The following TUBGCP4 variants were observed in gnomAD, a reference collection of about 807,000 sequenced individuals.
The protein encoded by TUBGCP4 is tubulin gamma complex component 4.
TUBGCP4 carries 54 observed loss-of-function variants against 91.6 expected under a neutral mutation model. The observed-to-expected ratio is 0.59, with a 90% CI of 0.47 to 0.74. The LOEUF (loss-of-function observed/expected upper bound fraction) is 0.74, where lower values mean the gene tolerates loss of function less well. TUBGCP4 is among the 30% of genes least tolerant of loss of function. The pLI is 0.00. For synonymous variants in TUBGCP4, 297 were observed against 302.8 expected, an observed-to-expected ratio of 0.98 and a Z score of 0.20; for missense variants, 593 against 800.9, an observed-to-expected ratio of 0.74 and a Z score of 3.13.
intron 1 of TUBGCP4, among the ~76,000 whole-genome samples, chr15:43,372,190 A>G (rs538867516): frequency 2.0e-5 from 3 of 152,326 alleles, no homozygotes; most frequent in Admixed American, 6.5e-5. Flanking sequence ...TGTTTCTACC[A>G]GTTAACAAAT....
chr15:43,379,165 G>T (rs952389353), intron 5 of TUBGCP4, among the ~76,000 whole-genome samples: 21 of 152,316 alleles, frequency 1.4e-4, no homozygotes, highest in Admixed American at 3.9e-4. Context: ...AAAATTCTAG[G>T]TTTGGGTTGA....
intron 13 of TUBGCP4, chr15:43,399,217 T>C: frequency 8.8e-7 from 1 of 1,132,162 alleles, no homozygotes; most frequent in Admixed American, 3.2e-5. Flanking sequence ...GTTCTTCCCG[T>C]GTGTCTTTTA....
chr15:43,398,385 A>T (rs1267000702), intron 13 of TUBGCP4: 5 of 257,958 alleles, frequency 1.9e-5, no homozygotes, highest in African/African-American at 6.4e-5. Flanking sequence ...CATCTCATAA[A>T]AAAAAAAAAA....
chr15:43,390,499 ATCTTTTT>A (rs1310830354), intron 9 of TUBGCP4, among the ~76,000 whole-genome samples: 3 of 146,916 alleles, frequency 2.0e-5, no homozygotes, highest in Non-Finnish European at 4.5e-5. Context: ...TTTGTTTTTA[ATCTTTTT>A]TCTTTTTTCT....
At position 43,376,557 on chromosome 15, in the gene TUBGCP4, G is replaced by C. The variant is rs772884242; in HGVS notation, c.262G>C (p.Ala88Pro). ...TGGGTTACATGGAATCTACCTGCGGGCCTTCTGCACAGGGCTGGATTCTGT... is the reference window on the plus strand; with the variant it reads ...TGGGTTACATGGAATCTACCTGCGGCCCTTCTGCACAGGGCTGGATTCTGT... ...QGGLHGIYLR[A>P]FCTGLDSVLQ... Residue 88 changes from alanine (A) to proline (P), a missense_variant, in exon 3 of 18, where the codon GCC becomes CCC. By Grantham distance (27) the Ala-to-Pro change is conservative. Coordinates refer to ENST00000564079, the MANE Select transcript of TUBGCP4 (RefSeq NM_014444.5). 10 of 1,614,192 alleles carry C rather than the reference G, an allele frequency of 6.2e-6. No individual in the cohort carries two copies. In the South Asian group the frequency reaches 1.1e-4, roughly 18 times the overall value.
At chr15:43,392,193 T>C (rs2142843239) in intron 9 of TUBGCP4, among the ~76,000 whole-genome samples, 1 of 151,746 alleles carries the variant, frequency 6.6e-6, no homozygotes, top group East Asian at 1.9e-4. Flanking sequence ...CCTTCGTGTT[T>C]TTTTTTTTAC....
rs567523995 is a variant in TUBGCP4, at chr15:43,408,348, G to C, written c.*3134G>C. Reference sequence around the variant, plus strand: ...ACAAAAAAATTAGCTGGGTGTGGTGGCGAGTGCCTGTAGTCCCAGCAGCTT... The same window carrying C: ...ACAAAAAAATTAGCTGGGTGTGGTGCCGAGTGCCTGTAGTCCCAGCAGCTT... On this transcript the variant is annotated 3_prime_UTR_variant, in exon 18 of 18. Transcript: ENST00000564079. The C allele has an allele frequency of 8.2e-5, 30 of 363,894 alleles. 1 individual carries two copies. Among genetic ancestry groups the C allele is most frequent in the African/African-American group, 5.9e-4 (28 of 47,634 alleles). The allele number at this position is 363,894 out of a possible 1,614,324, so 22.5% of individuals were successfully genotyped here.
At chr15:43,379,527 A>G (rs2044256326) in intron 5 of TUBGCP4, among the ~76,000 whole-genome samples, 1 of 151,758 alleles carries the variant, frequency 6.6e-6, no homozygotes, top group Non-Finnish European at 1.5e-5. Flanking sequence ...CCTGTGTCGC[A>G]CTACTCGGGA....
At chr15:43,386,857 A>G (rs1595486766) in intron 9 of TUBGCP4, among the ~76,000 whole-genome samples, 1 of 152,160 alleles carries the variant, frequency 6.6e-6, no homozygotes, top group East Asian at 1.9e-4. Context: ...TAGAAAAGAA[A>G]AGCCTCTGTT....
intron 9 of TUBGCP4, among the ~76,000 whole-genome samples, chr15:43,388,896 T>C (rs1273389071): frequency 6.6e-6 from 1 of 152,242 alleles, no homozygotes; most frequent in African/African-American, 2.4e-5. Flanking sequence ...TGGGATTCTT[T>C]CTCTCCTTTA....
chr15:43,394,520 T>TTC (rs1268175650), intron 9 of TUBGCP4: 1 of 152,254 alleles, frequency 6.6e-6, no homozygotes, highest in Non-Finnish European at 1.5e-5. Context: ...TACTAAGATT[T>TTC]TCTCTTCTCT....
intron 6 of TUBGCP4, among the ~76,000 whole-genome samples, 189 bp downstream of exon 6, chr15:43,380,352 A>G (rs902712369): frequency 2.0e-5 from 3 of 152,250 alleles, no homozygotes; most frequent in Non-Finnish European, 2.9e-5. Flanking sequence ...AAAAAGGGCT[A>G]TAGAGTGTTG....
intron 4 of TUBGCP4, 116 bp from the exon 5 acceptor site, chr15:43,377,731 G>T: frequency 1.2e-6 from 1 of 812,112 alleles, no homozygotes. Context: ...TGACTGTTCT[G>T]TGGTATTGCC....
chr15:43,376,471 T>C, intron 2 of TUBGCP4, 32 bp from the exon 3 acceptor site: 1 of 1,614,172 alleles, frequency 6.2e-7, no homozygotes, highest in Non-Finnish European at 8.5e-7. Flanking sequence ...GGGCCTGAGC[T>C]GAGAAGTTGG....
At chr15:43,403,218 AG>A (rs1314639409) in intron 15 of TUBGCP4, 1 of 152,944 alleles carries the variant, frequency 6.5e-6, no homozygotes, top group Non-Finnish European at 1.5e-5. Flanking sequence ...AACAACACAG[AG>A]GCCTGAACAA....
At position 43,408,225 on chromosome 15, in the gene TUBGCP4, C is replaced by A. The variant is rs529590288; in HGVS notation, c.*3011C>A. 25 of 920,646 alleles carry A rather than the reference C, an allele frequency of 2.7e-5. 1 individual carries two copies. The Admixed American group carries it at 5.0e-4, about 18-fold the overall frequency. 57.0% of individuals were successfully genotyped at this position (920,646 alleles called of 1,614,324 possible). A position where few individuals can be genotyped will look rare whatever the true frequency, so the allele number is the denominator to read the frequency against. ...AGACATAGTGTCTCAAGCCTGTAAT[C>A]CCAGCACTTTGGGAGGCTGTCGTGG... On this transcript the variant is annotated 3_prime_UTR_variant, in exon 18 of 18. Transcript: ENST00000564079.
intron 16 of TUBGCP4, 41 bp from the exon 17 acceptor site, chr15:43,404,372 T>G: frequency 6.2e-7 from 1 of 1,611,476 alleles, no homozygotes; most frequent in Non-Finnish European, 8.5e-7. Context: ...GGAGAGTTGG[T>G]GAGCTGAAGT....
Position 43,406,897 on chromosome 15 carries a change from G to C in TUBGCP4, c.*1683G>C, listed in dbSNP as rs1216437252. 1 of 261,584 alleles carries C rather than the reference G, an allele frequency of 3.8e-6. No homozygotes were observed. The highest frequency in any genetic ancestry group is 7.5e-6 in the Non-Finnish European group (1 of 132,852). The allele number at this position is 261,584 out of a possible 1,614,324, so 16.2% of individuals were successfully genotyped here. A position where few individuals can be genotyped will look rare whatever the true frequency, so the allele number is the denominator to read the frequency against. The stretch of plus-strand genomic sequence containing the variant: ...TACCCACAGGTGAGCTGTGATCTCA[G>C]CTCAGAGAGAGAGCATGAGGTCTTT... On this transcript the variant is annotated 3_prime_UTR_variant, in exon 18 of 18. Coordinates refer to ENST00000564079, the MANE Select transcript of TUBGCP4 (RefSeq NM_014444.5).
intron 1 of TUBGCP4, among the ~76,000 whole-genome samples, chr15:43,375,738 A>C (rs1222918343): frequency 6.6e-6 from 1 of 152,202 alleles, no homozygotes; most frequent in Non-Finnish European, 1.5e-5. Context: ...AATATTGCTA[A>C]AGAGACTTTG....
Sources: allele counts gnomAD v4.1 joint callset (sites outside exome capture counted in the v4.1 genomes callset), GRCh38; gene constraint gnomAD v4.1.1; transcripts MANE v1.5; gene names NCBI Gene and HGNC (gene_info 2026-07-23, HGNC 2026-07-21).